Variants in NFIC observed in about 807,000 individuals in gnomAD.
NFIC encodes the protein nuclear factor I C.
A neutral mutation model predicts 54.4 loss-of-function variants in NFIC; 12 were observed. The ratio of observed to expected loss-of-function variants is 0.22; its 90% CI spans 0.14 to 0.36. The LOEUF (loss-of-function observed/expected upper bound fraction) is 0.36, where lower values mean the gene tolerates loss of function less well. Ranked by LOEUF, NFIC falls within the 10% of genes least tolerant of loss-of-function variation. NFIC has a pLI of 1.00. For missense variants in NFIC, 575 were observed against 718.2 expected (o/e 0.80, Z 2.28); for synonymous variants, 322 against 319.2 (o/e 1.01, Z -0.09).
intron 2 of NFIC, among the ~76,000 whole-genome samples, chr19:3,382,504 A>T (rs928747068): frequency 6.6e-6 from 1 of 151,574 alleles, no homozygotes; most frequent in Non-Finnish European, 1.5e-5. Flanking sequence ...AGTAGGTGAT[A>T]TGGCACAAGG....
intron 6 of NFIC, 113 bp from the exon 7 acceptor site, chr19:3,448,901 A>C: frequency 6.8e-7 from 1 of 1,461,830 alleles, no homozygotes; most frequent in Non-Finnish European, 9.2e-7. Flanking sequence ...TTCTGGGGTA[A>C]GAGGAGGCGG....
Position 3,464,392 on chromosome 19 carries a change from G to GC in NFIC, c.*1630dup, listed in dbSNP as rs967612741. ...AAACACTAAGCTGGGGACGCCAGGT[G>GC]CCCCCCCACCCCGGCTCCCTGGCCC... On this transcript the variant is annotated 3_prime_UTR_variant, in exon 11 of 11. Transcript: ENST00000443272. 24 of 984,148 alleles carry GC rather than the reference G, an allele frequency of 2.4e-5. No individual in the cohort carries two copies. The East Asian group carries it at 1.4e-3, about 56-fold the overall frequency. 61.0% of individuals were successfully genotyped at this position (984,148 alleles called of 1,614,324 possible). A position where few individuals can be genotyped will look rare whatever the true frequency, so the allele number is the denominator to read the frequency against.
chr19:3,393,717 T>C (rs2145510515), intron 2 of NFIC, among the ~76,000 whole-genome samples: 1 of 146,228 alleles, frequency 6.8e-6, no homozygotes, highest in South Asian at 2.2e-4. Flanking sequence ...CTCAGGAGGC[T>C]GAGACAGGAG....
At chr19:3,359,693 G>A (rs1185119202) in intron 1 of NFIC, 2 of 1,426,034 alleles carry the variant, frequency 1.4e-6, no homozygotes, top group Non-Finnish European at 1.9e-6. Context: ...ATGGTACGTC[G>A]CCGCACCCAC....
chr19:3,407,772 G>T (rs1352541961), intron 2 of NFIC, among the ~76,000 whole-genome samples: 2 of 152,154 alleles, frequency 1.3e-5, no homozygotes, highest in Non-Finnish European at 2.9e-5. Context: ...ACAGTCCAGG[G>T]TGCTGGGGAC....
rs1599737144 is a variant in NFIC at position 3,462,947 on chromosome 19, A to G, written c.*178A>G. 2 of 1,450,884 alleles carry G rather than the reference A, an allele frequency of 1.4e-6. No homozygotes were observed. Among genetic ancestry groups the G allele is most frequent in the South Asian group, 3.0e-5 (2 of 67,186 alleles). The allele number at this position is 1,450,884 out of a possible 1,614,324, so 89.9% of individuals were successfully genotyped here. A position where few individuals can be genotyped will look rare whatever the true frequency, so the allele number is the denominator to read the frequency against. On this transcript the variant is annotated 3_prime_UTR_variant, in exon 11 of 11. Coordinates refer to ENST00000443272, the MANE Select transcript of NFIC (RefSeq NM_001245002.2). Reference sequence around the variant, plus strand: ...ACGCACACACTCAGGAGGAAAAGAAAAAACAAAGGCAGAAGAAGAAGAAGA... The same window carrying G: ...ACGCACACACTCAGGAGGAAAAGAAGAAACAAAGGCAGAAGAAGAAGAAGA...
intron 6 of NFIC, among the ~76,000 whole-genome samples, chr19:3,444,978 C>T (rs760486365): frequency 2.0e-5 from 3 of 152,244 alleles, no homozygotes; most frequent in African/African-American, 4.8e-5. Flanking sequence ...CATATATTCA[C>T]GTGCACACGC....
At position 3,464,183 on chromosome 19, in the gene NFIC, G is replaced by A. The variant is rs890317289; in HGVS notation, c.*1414G>A. On this transcript the variant is annotated 3_prime_UTR_variant, in exon 11 of 11. Transcript: ENST00000443272. Reference sequence around the variant, plus strand: ...TTGCACTTTCATCGCCTACCCCGACGCGGGGCCCAGCTGCGGGACGTGCAT... The same window carrying A: ...TTGCACTTTCATCGCCTACCCCGACACGGGGCCCAGCTGCGGGACGTGCAT... 6 of 985,226 alleles carry A rather than the reference G, an allele frequency of 6.1e-6. No individual in the cohort carries two copies. In the African/African-American group the frequency reaches 1.0e-4, roughly 17 times the overall value. 61.0% of individuals were successfully genotyped at this position (985,226 alleles called of 1,614,324 possible).
At chr19:3,430,412 T>TG (rs2082101982) in intron 3 of NFIC, among the ~76,000 whole-genome samples, 3 of 151,984 alleles carry the variant, frequency 2.0e-5, no homozygotes, top group African/African-American at 7.2e-5. Flanking sequence ...TCAGTAGAGA[T>TG]GGAGTTTCAC....
intron 2 of NFIC, among the ~76,000 whole-genome samples, chr19:3,405,838 G>A (rs571438639): frequency 4.0e-5 from 6 of 151,632 alleles, no homozygotes; most frequent in Non-Finnish European, 5.9e-5. Context: ...CCTGACCTCA[G>A]GTGATCTGCC....
chr19:3,446,421 A>C (rs2082375116), intron 6 of NFIC, among the ~76,000 whole-genome samples: 1 of 152,132 alleles, frequency 6.6e-6, no homozygotes, highest in South Asian at 2.1e-4. Flanking sequence ...GGTGGTGGCC[A>C]GGGACTCTGC....
intron 2 of NFIC, among the ~76,000 whole-genome samples, chr19:3,410,402 A>G (rs1032832879): frequency 5.3e-5 from 8 of 152,214 alleles, no homozygotes; most frequent in African/African-American, 7.2e-5. Context: ...AGAATGAGCC[A>G]TGTAGATAGC....
rs2082680460 is a variant in NFIC, at chr19:3,463,982, G to T, written c.*1213G>T. The T allele has an allele frequency of 2.0e-6, 2 of 985,084 alleles. No individual in the cohort carries two copies. Among genetic ancestry groups the T allele is most frequent in the Non-Finnish European group, 2.4e-6 (2 of 829,908 alleles). The allele number at this position is 985,084 out of a possible 1,614,324, so 61.0% of individuals were successfully genotyped here. On this transcript the variant is annotated 3_prime_UTR_variant, in exon 11 of 11. Coordinates refer to ENST00000443272, the MANE Select transcript of NFIC (RefSeq NM_001245002.2). ...GCCCCCCCAGAGCTAGAGAGATGGGGCCCCTGCGTGGCCCGAGGGGCAGAG... is the reference window on the plus strand; with the variant it reads ...GCCCCCCCAGAGCTAGAGAGATGGGTCCCCTGCGTGGCCCGAGGGGCAGAG...
At position 3,382,104 on chromosome 19, in the gene NFIC, C is replaced by G; in HGVS notation, c.423C>G (p.Ile141Met). Residue 141 changes from isoleucine to methionine, a missense_variant, in exon 2 of 11, where the codon ATC becomes ATG. Physicochemically the swap from Ile to Met is conservative, Grantham distance 10 (BLOSUM62 1). This residue lies in a region of NFIC where 447 missense variants were observed against 526.9 expected (regional missense o/e 0.85). Transcript: ENST00000443272. Reference protein sequence around the residue: ...DLVMVILFKGIPLESTDGERL... With the variant: ...DLVMVILFKGMPLESTDGERL... Reference sequence around the variant, plus strand: ...TCATGGTCATCCTGTTCAAGGGCATCCCGCTGGAGAGCACCGACGGCGAGC... The same window carrying G: ...TCATGGTCATCCTGTTCAAGGGCATGCCGCTGGAGAGCACCGACGGCGAGC... The G allele has an allele frequency of 6.2e-7, 1 of 1,613,328 alleles. No homozygotes were observed. Among genetic ancestry groups the G allele is most frequent in the Non-Finnish European group, 8.5e-7 (1 of 1,179,950 alleles).
chr19:3,451,828 A>AG (rs943164832), intron 7 of NFIC, among the ~76,000 whole-genome samples: 1 of 149,354 alleles, frequency 6.7e-6, no homozygotes, highest in Non-Finnish European at 1.5e-5. Context: ...AAAAAAAAAA[A>AG]AGACGGGGCC....
intron 2 of NFIC, among the ~76,000 whole-genome samples, chr19:3,417,127 C>T (rs12972785): frequency 0.72 from 107,507 of 149,570 alleles, 40,242 homozygotes; most frequent in East Asian, 0.94. Flanking sequence ...CCTCGTGATC[C>T]GCCCGCCTTG....
At chr19:3,380,223 C>A (rs1352349222) in intron 1 of NFIC, among the ~76,000 whole-genome samples, 2 of 145,960 alleles carry the variant, frequency 1.4e-5, no homozygotes, top group Non-Finnish European at 3.0e-5. Context: ...CCAGGATGGT[C>A]TCAATCTCCT....
intron 2 of NFIC, among the ~76,000 whole-genome samples, chr19:3,416,200 C>CATA (rs528041984): frequency 5.0e-4 from 76 of 150,904 alleles, no homozygotes; most frequent in African/African-American, 1.7e-3. Flanking sequence ...ATTGCCCCCC[C>CATA]ATAAAGAGCC....
At chr19:3,379,200 C>T (rs568728607) in intron 1 of NFIC, among the ~76,000 whole-genome samples, 2 of 152,168 alleles carry the variant, frequency 1.3e-5, no homozygotes, top group African/African-American at 2.4e-5. Context: ...GCTGGGATTA[C>T]AGTCATGCGC....
Sources: gnomAD v4.1 joint callset for allele counts (sites outside exome capture counted in the v4.1 genomes callset) on GRCh38, gnomAD v4.1.1 for gene constraint, gnomAD v4.1.1 regional missense constraint, MANE v1.5 for transcripts, NCBI Gene and HGNC (gene_info 2026-07-23, HGNC 2026-07-21) for gene names.